NPSR1: variants seen among roughly 807,000 people sequenced by gnomAD.
NPSR1 encodes the protein neuropeptide S receptor 1, also known as neuropeptide S receptor.
A neutral mutation model predicts 46.9 loss-of-function variants in NPSR1; 48 were observed. The ratio of observed to expected loss-of-function variants is 1.02; its 90% CI spans 0.81 to 1.30. The LOEUF (loss-of-function observed/expected upper bound fraction) is 1.30, where lower values mean the gene tolerates loss of function less well. Ranked by LOEUF, NPSR1 falls within the 50% of genes most tolerant of loss-of-function variation. The probability of loss-of-function intolerance (pLI) is 0.00; values close to 1 mark genes in which losing one functional copy is unlikely to be tolerated. For synonymous variants in NPSR1, 176 were observed against 168.1 expected (o/e 1.05, Z -0.36); for missense variants, 450 against 449.5 (o/e 1.00, Z -0.01).
chr7:34,726,766 T>TTA (rs1447977774), intron 2 of NPSR1, among the ~76,000 whole-genome samples: 1 of 150,794 alleles, frequency 6.6e-6, no homozygotes, highest in African/African-American at 2.4e-5. Flanking sequence ...AGACTACATA[T>TTA]TATGATTCCC....
intron 2 of NPSR1, among the ~76,000 whole-genome samples, chr7:34,739,015 T>G (rs1784812391): frequency 6.6e-6 from 1 of 152,242 alleles, no homozygotes; most frequent in South Asian, 2.1e-4. Flanking sequence ...GTTTCTGGCT[T>G]CTTTCACTTT....
At chr7:34,743,984 T>C (rs1373483099) in intron 2 of NPSR1, among the ~76,000 whole-genome samples, 1 of 152,170 alleles carries the variant, frequency 6.6e-6, no homozygotes, top group East Asian at 1.9e-4. Flanking sequence ...AGTTTGTATG[T>C]TTACATTAGG....
At chr7:34,773,887 G>C (rs1786809637) in intron 2 of NPSR1, among the ~76,000 whole-genome samples, 1 of 152,110 alleles carries the variant, frequency 6.6e-6, no homozygotes, top group Admixed American at 6.5e-5. Context: ...TTTCCAATTA[G>C]TGTTAAACGC....
chr7:34,704,659 G>A (rs1374955151), intron 2 of NPSR1, among the ~76,000 whole-genome samples: 1 of 152,228 alleles, frequency 6.6e-6, no homozygotes, highest in Non-Finnish European at 1.5e-5. Context: ...AGTTTCTTGT[G>A]TTGACAGAGA....
At chr7:34,705,434 C>CA (rs67782714) in intron 2 of NPSR1, among the ~76,000 whole-genome samples, 1,878 of 111,514 alleles carry the variant, frequency 0.017, 18 homozygotes, top group South Asian at 0.053. Context: ...GACTCCATAT[C>CA]AAAAAAAAAA....
rs5883474 is a variant in NPSR1, at chr7:34,827,643, C to CAG, written c.680+41_680+42insAG. 4.1e-4 allele frequency: 166 copies of CAG among 405,600 alleles called. 2 individuals carry two copies. The highest frequency in any genetic ancestry group is 1.9e-3 in the African/African-American group (86 of 44,374). 25.1% of individuals were successfully genotyped at this position (405,600 alleles called of 1,614,324 possible). A position where few individuals can be genotyped will look rare whatever the true frequency, so the allele number is the denominator to read the frequency against. The stretch of plus-strand genomic sequence containing the variant: ...GACAGGACCACACGGGGGGGTGGGG[C>CAG]GGGGGGGGCTTTCCTGTTTCTCCAG... On this transcript the variant is annotated intron_variant, in intron 5 of 8. Coordinates refer to ENST00000360581, the MANE Select transcript of NPSR1 (RefSeq NM_207172.2).
rs1437223871 is a variant in NPSR1, at chr7:34,864,825, G to A, written c.1026-13251G>A. 5.3e-5 allele frequency among the ~76,000 whole-genome samples: 8 copies of A among 151,872 alleles called. 1 individual carries two copies. Among genetic ancestry groups the A allele is most frequent in the African/African-American group, 1.9e-4 (8 of 41,126 alleles). ...ACAGGCAAGAAAGCCTGCTAACAAT[G>A]AACTCTGGAACTGGTCTTCCCCACT... On this transcript the variant is annotated intron_variant, in intron 8 of 8. Transcript: ENST00000359791.
chr7:34,827,604 T>A lies in NPSR1; in HGVS notation c.680+2T>A. The A allele has an allele frequency of 8.2e-7, 1 of 1,226,156 alleles. No homozygotes were observed. The highest frequency in any genetic ancestry group is 1.1e-6 in the Non-Finnish European group (1 of 907,042). The allele number at this position is 1,226,156 out of a possible 1,614,324, so 76.0% of individuals were successfully genotyped here. The stretch of plus-strand genomic sequence containing the variant: ...CTTCATCCCTCTGACAATCATCAGG[T>A]AAGAAGCCGTCAGGACAGGACCACA... On this transcript the variant is annotated splice_donor_variant, in intron 5 of 8. Coordinates refer to ENST00000360581, the MANE Select transcript of NPSR1 (RefSeq NM_207172.2). LOFTEE classifies it high-confidence loss of function.
chr7:34,727,649 T>G (rs1784225251), intron 2 of NPSR1, among the ~76,000 whole-genome samples: 1 of 152,228 alleles, frequency 6.6e-6, no homozygotes, highest in African/African-American at 2.4e-5. Flanking sequence ...AGCAAGTGAA[T>G]GAACAGATGA....
intron 4 of NPSR1, among the ~76,000 whole-genome samples, chr7:34,821,510 C>A (rs1197855287): frequency 6.6e-6 from 1 of 151,872 alleles, no homozygotes; most frequent in Non-Finnish European, 1.5e-5. Flanking sequence ...AGGACATCGA[C>A]GCCAAAGTAT....
rs1562730229 is a variant in NPSR1, at chr7:34,790,974, T to TTATGTTATATTATATATCA, written c.384+12412_384+12413insGTTATATTATATATCATAT. ...TATGTTATATGTTATATTATATATGTTATATGTTATATTATATATGTTATA... is the reference window on the plus strand; with the variant it reads ...TATGTTATATGTTATATTATATATGTTATGTTATATTATATATCATATATGTTATATTATATATGTTATA... On this transcript the variant is annotated intron_variant, in intron 3 of 8. Coordinates refer to ENST00000360581, the MANE Select transcript of NPSR1 (RefSeq NM_207172.2). Among the ~76,000 whole-genome samples, 2 of 72,292 alleles carry TTATGTTATATTATATATCA rather than the reference T, an allele frequency of 2.8e-5. 1 individual carries two copies. Among genetic ancestry groups the TTATGTTATATTATATATCA allele is most frequent in the African/African-American group, 9.3e-5 (2 of 21,534 alleles). 47.4% of individuals were successfully genotyped at this position (72,292 alleles called of 152,430 possible).
At chr7:34,724,129 A>G (rs563352641) in intron 2 of NPSR1, among the ~76,000 whole-genome samples, 1 of 152,314 alleles carries the variant, frequency 6.6e-6, no homozygotes, top group African/African-American at 2.4e-5. Flanking sequence ...TTACTAGCTC[A>G]TTTCTCCAAA....
chr7:34,659,179 A>C lies in NPSR1; in HGVS notation c.147+620A>C, dbSNP rs1023128271. Among the ~76,000 whole-genome samples the C allele has an allele frequency of 7.9e-5, 12 of 152,224 alleles. 1 individual carries two copies. Among genetic ancestry groups the C allele is most frequent in the African/African-American group, 2.9e-4 (12 of 41,470 alleles). On this transcript the variant is annotated intron_variant, in intron 1 of 8. Transcript: ENST00000360581. ...TTCAAAGTATCCAAGGGCCACACTG[A>C]GGAAGGATCTTCATTAAGCTAATAC... is the stretch of plus-strand genomic sequence containing the variant.
intron 2 of NPSR1, among the ~76,000 whole-genome samples, chr7:34,736,928 G>A (rs963744697): frequency 2.3e-4 from 35 of 151,942 alleles, no homozygotes; most frequent in African/African-American, 8.0e-4. Context: ...TTAAATATTC[G>A]CAATTTTCAC....
intron 1 of NPSR1, chr7:34,660,103 G>A (rs752245782): frequency 2.2e-6 from 1 of 456,564 alleles, no homozygotes. Flanking sequence ...CTCTATGAGT[G>A]TTTGTCCTCT....
intron 8 of NPSR1, among the ~76,000 whole-genome samples, chr7:34,875,908 A>G (rs554868436): frequency 6.6e-6 from 1 of 152,124 alleles, no homozygotes; most frequent in South Asian, 2.1e-4. Context: ...TGAAAGCCCT[A>G]TTATAATGGC....
intron 3 of NPSR1, chr7:34,779,517 T>A (rs766390907): frequency 1.4e-5 from 14 of 990,022 alleles, no homozygotes; most frequent in Non-Finnish European, 1.8e-5. Flanking sequence ...AATTTTAATT[T>A]TTTTCATTGG....
chr7:34,779,084 A>T (rs2128737059), intron 3 of NPSR1, among the ~76,000 whole-genome samples: 1 of 152,154 alleles, frequency 6.6e-6, no homozygotes, highest in African/African-American at 2.4e-5. Flanking sequence ...TAACTGAGAG[A>T]CTTTTTAGTT....
At chr7:34,701,243 C>A (rs1235752054) in intron 2 of NPSR1, among the ~76,000 whole-genome samples, 2 of 152,218 alleles carry the variant, frequency 1.3e-5, no homozygotes, top group Non-Finnish European at 2.9e-5. Flanking sequence ...TGCCTAAAAA[C>A]AGATCCTCCA....
Sources: allele counts gnomAD v4.1 joint callset (sites outside exome capture counted in the v4.1 genomes callset), GRCh38; gene constraint gnomAD v4.1.1; transcripts MANE v1.5; gene names NCBI Gene and HGNC (gene_info 2026-07-23, HGNC 2026-07-21).